The following SLIT1 variants were observed in gnomAD, a reference collection of about 807,000 sequenced individuals.
SLIT1 encodes the protein slit guidance ligand 1, also known as slit homolog 1 protein.
In SLIT1, 66 loss-of-function variants were observed where a neutral mutation model predicts 186.1. The ratio of observed to expected loss-of-function variants is 0.35; its 90% CI spans 0.29 to 0.44. SLIT1 has a LOEUF of 0.44. SLIT1 is among the 20% of genes least tolerant of loss of function. SLIT1 has a pLI of 1.00. For missense variants in SLIT1, 1,638 were observed against 2,037.4 expected (o/e 0.80, Z 3.77); for synonymous variants, 761 against 833.8 (o/e 0.91, Z 1.50).
At chr10:97,030,605 T>C in intron 25 of SLIT1, 152 bp downstream of exon 25, 1 of 653,280 alleles carries the variant, frequency 1.5e-6, no homozygotes, top group South Asian at 1.8e-5. Flanking sequence ...ACTGGACATA[T>C]AAGAGTCCCA....
At chr10:97,162,664 G>A (rs1407886736) in intron 3 of SLIT1, among the ~76,000 whole-genome samples, 1 of 151,822 alleles carries the variant, frequency 6.6e-6, no homozygotes, top group Non-Finnish European at 1.5e-5. Flanking sequence ...ATGATTTTTA[G>A]CCATGTCTCT....
At position 97,004,896 on chromosome 10, in the gene SLIT1, G is replaced by C. The variant is rs1848346894; in HGVS notation, c.3580-73C>G. ...GGCACAGGCTAGCAGATGGGGCAGA[G>C]AGGGCACCCAAGATTGGAAGAGAGA... On this transcript the variant is annotated intron_variant, in intron 32 of 36. Transcript: ENST00000266058. The surrounding 1 kb of genome is among the most constrained non-coding windows in gnomAD (Gnocchi z 5.1). 6.4e-7 allele frequency: 1 copy of C among 1,571,026 alleles called. No individual in the cohort carries two copies. Among genetic ancestry groups the C allele is most frequent in the Admixed American group, 1.7e-5 (1 of 59,360 alleles).
intron 11 of SLIT1, 73 bp downstream of exon 11, chr10:97,059,387 A>G: frequency 7.9e-7 from 1 of 1,259,142 alleles, no homozygotes; most frequent in Admixed American, 1.7e-5. Flanking sequence ...TGCATCCACC[A>G]GGACCCTGGG....
At chr10:97,128,668 G>T (rs544426439) in intron 4 of SLIT1, among the ~76,000 whole-genome samples, 1 of 152,356 alleles carries the variant, frequency 6.6e-6, no homozygotes, top group Non-Finnish European at 1.5e-5. Context: ...GCTGGCAGTG[G>T]TTGCTAAGAG....
chr10:97,018,506 C>G (rs1848473811), intron 28 of SLIT1, 80 bp downstream of exon 28: 2 of 875,702 alleles, frequency 2.3e-6, no homozygotes, highest in South Asian at 3.3e-5. Context: ...TGGGCCATCC[C>G]TGATGGAGAG....
At chr10:97,035,158 C>T (rs1188904644) in intron 22 of SLIT1, among the ~76,000 whole-genome samples, 1 of 152,188 alleles carries the variant, frequency 6.6e-6, no homozygotes, top group Non-Finnish European at 1.5e-5. Context: ...ACCCGCTTTC[C>T]TCCGCTCCCG....
intron 4 of SLIT1, among the ~76,000 whole-genome samples, chr10:97,155,605 G>A (rs1048824276): frequency 6.6e-6 from 1 of 152,208 alleles, no homozygotes; most frequent in African/African-American, 2.4e-5. Context: ...CAATGAGGGA[G>A]AGTGAAAGTG....
At chr10:97,122,344 A>G (rs756368839) in intron 4 of SLIT1, among the ~76,000 whole-genome samples, 65 of 152,258 alleles carry the variant, frequency 4.3e-4, no homozygotes, top group Non-Finnish European at 2.9e-5. Context: ...AGCAAGGGCC[A>G]TGCTGGGTAT....
intron 4 of SLIT1, among the ~76,000 whole-genome samples, chr10:97,089,784 T>C (rs909836324): frequency 2.0e-5 from 3 of 152,102 alleles, no homozygotes; most frequent in Non-Finnish European, 4.4e-5. Flanking sequence ...ATGTTCTGTC[T>C]CGTACATCAC....
At chr10:97,094,489 C>T (rs1479075249) in intron 4 of SLIT1, among the ~76,000 whole-genome samples, 1 of 152,224 alleles carries the variant, frequency 6.6e-6, no homozygotes, top group East Asian at 1.9e-4. Context: ...TTCTATGCTC[C>T]TAAGGATGTC....
At chr10:97,091,385 G>A (rs1229029681) in intron 4 of SLIT1, among the ~76,000 whole-genome samples, 1 of 152,182 alleles carries the variant, frequency 6.6e-6, no homozygotes, top group Non-Finnish European at 1.5e-5. Flanking sequence ...AGTTACACAC[G>A]AACTTGTAGA....
intron 4 of SLIT1, among the ~76,000 whole-genome samples, chr10:97,140,937 C>A (rs1476510505): frequency 6.6e-6 from 1 of 152,158 alleles, no homozygotes; most frequent in African/African-American, 2.4e-5. Flanking sequence ...TGGCTTCCAA[C>A]ACTGAGGCTC....
rs751595875 is a variant in SLIT1 at position 97,185,792 on chromosome 10, C to T, written c.-118G>A. On this transcript the variant is annotated 5_prime_UTR_variant, in exon 1 of 37. Transcript: ENST00000266058. ...AGCCACCGAAGAGCCCGCGGGCTTG[C>T]GCGCGGCGCCCCTGCGGGCTGGGAG... The T allele has an allele frequency of 1.3e-4, 116 of 915,462 alleles. No individual in the cohort carries two copies. The highest frequency in any genetic ancestry group is 1.6e-4 in the Non-Finnish European group (106 of 661,904). The allele number at this position is 915,462 out of a possible 1,614,324, so 56.7% of individuals were successfully genotyped here. A position where few individuals can be genotyped will look rare whatever the true frequency, so the allele number is the denominator to read the frequency against.
intron 13 of SLIT1, 64 bp from the exon 14 acceptor site, chr10:97,049,182 G>T: frequency 1.3e-6 from 2 of 1,551,204 alleles, no homozygotes; most frequent in Non-Finnish European, 8.7e-7. Flanking sequence ...GACCTCCACC[G>T]GGACAGGGCC....
intron 4 of SLIT1, among the ~76,000 whole-genome samples, chr10:97,135,153 G>A (rs916565376): frequency 6.6e-6 from 1 of 152,220 alleles, no homozygotes; most frequent in Non-Finnish European, 1.5e-5. Flanking sequence ...CTGCAGAGTC[G>A]AAGGCACGGG....
chr10:97,163,350 C>T (rs1454314114), intron 3 of SLIT1, 30 bp downstream of exon 3: 11 of 1,598,026 alleles, frequency 6.9e-6, no homozygotes, highest in Non-Finnish European at 9.4e-6. Flanking sequence ...AGCCCCCCGC[C>T]CTCCTGGCCT....
At chr10:97,125,992 G>A (rs994154591) in intron 4 of SLIT1, among the ~76,000 whole-genome samples, 1 of 152,158 alleles carries the variant, frequency 6.6e-6, no homozygotes, top group African/African-American at 2.4e-5. Context: ...AAGAGAGAGA[G>A]AATATCTGTG....
At chr10:97,132,962 G>A (rs555495055) in intron 4 of SLIT1, among the ~76,000 whole-genome samples, 9 of 152,246 alleles carry the variant, frequency 5.9e-5, no homozygotes, top group Admixed American at 2.0e-4. Context: ...GCGGCCCCAC[G>A]TCCAAGGCAG....
intron 4 of SLIT1, among the ~76,000 whole-genome samples, chr10:97,115,463 G>A (rs1013586815): frequency 2.6e-5 from 4 of 152,128 alleles, no homozygotes; most frequent in Non-Finnish European, 5.9e-5. Context: ...TCACAGGTCC[G>A]GGGGCCAATT....
Sources: allele counts gnomAD v4.1 joint callset (sites outside exome capture counted in the v4.1 genomes callset), GRCh38; gene constraint gnomAD v4.1.1; non-coding constraint Gnocchi (gnomAD v3.1); transcripts MANE v1.5; gene names NCBI Gene and HGNC (gene_info 2026-07-23, HGNC 2026-07-21).